The following FBXL13 variants were observed in gnomAD, a reference collection of about 807,000 sequenced individuals.
FBXL13 encodes the protein F-box and leucine rich repeat protein 13.
FBXL13 carries 67 observed loss-of-function variants against 83.6 expected under a neutral mutation model. The observed-to-expected ratio is 0.80, with a 90% confidence interval of 0.66 to 0.98. FBXL13 has a LOEUF of 0.98. Among genes scored for constraint, FBXL13 ranks in the 50% least tolerant of loss-of-function variants. The pLI, the probability that FBXL13 is intolerant of heterozygous loss-of-function variation, is 0.00. For missense variants in FBXL13, 822 were observed against 866.5 expected, an observed-to-expected ratio of 0.95 and a Z score of 0.64; for synonymous variants, 272 against 299.5, an observed-to-expected ratio of 0.91 and a Z score of 0.95.
intron 6 of FBXL13, among the ~76,000 whole-genome samples, chr7:103,000,612 G>A (rs1392678135): frequency 6.6e-6 from 1 of 152,098 alleles, no homozygotes; most frequent in Non-Finnish European, 1.5e-5. Flanking sequence ...ATTGGTCTAG[G>A]GCATAATATC....
chr7:102,944,317 T>C (rs1822049408), intron 8 of FBXL13: 1 of 1,614,012 alleles, frequency 6.2e-7, no homozygotes, highest in African/African-American at 1.3e-5. Flanking sequence ...GAAACTCTTG[T>C]GGCTCAGAGA....
chr7:102,987,930 C>T (rs1364379704), intron 6 of FBXL13: 1 of 152,138 alleles, frequency 6.6e-6, no homozygotes, highest in Non-Finnish European at 1.5e-5. Flanking sequence ...TGTTAAATGA[C>T]CTGGGTCTTA....
At chr7:102,968,144 T>G in intron 6 of FBXL13, 27 bp from the exon 8 acceptor site, 1 of 1,510,694 alleles carries the variant, frequency 6.6e-7, no homozygotes, top group Non-Finnish European at 9.2e-7. Flanking sequence ...ATACACAACT[T>G]TGAAAAATGT....
At chr7:103,013,560 G>C (rs1010691489) in intron 6 of FBXL13, among the ~76,000 whole-genome samples, 3 of 152,098 alleles carry the variant, frequency 2.0e-5, no homozygotes, top group African/African-American at 7.2e-5. Context: ...AATTAAGGCA[G>C]AAATCAAGAA....
At chr7:103,021,336 G>A (rs1202236828) in intron 6 of FBXL13, among the ~76,000 whole-genome samples, 1 of 152,118 alleles carries the variant, frequency 6.6e-6, no homozygotes, top group Non-Finnish European at 1.5e-5. Flanking sequence ...ATTAATTCAA[G>A]ATGAATTAAA....
At chr7:102,912,680 C>G (rs116275663) in intron 11 of FBXL13, among the ~76,000 whole-genome samples, 2 of 138,148 alleles carry the variant, frequency 1.4e-5, no homozygotes, top group Admixed American at 7.2e-5. Context: ...TACCCCCCCC[C>G]CCCCAAAAAA....
At chr7:102,892,765 C>T (rs913783225) in intron 11 of FBXL13, among the ~76,000 whole-genome samples, 1 of 152,216 alleles carries the variant, frequency 6.6e-6, no homozygotes, top group African/African-American at 2.4e-5. Flanking sequence ...AAATGTGTCA[C>T]TTCCTCATTT....
rs779845216 is a variant in FBXL13 at position 102,963,530 on chromosome 7, T to C, written c.724+3A>G. 2 of 1,611,032 alleles carry C rather than the reference T, an allele frequency of 1.2e-6. No homozygotes were observed. The highest frequency in any genetic ancestry group is 2.7e-5 in the African/African-American group (2 of 74,770). ...GACAAATAGTTGTAATGAACATACT[T>C]ACTGACAGATCTGAAAGTTTTGGGT... On this transcript the variant is annotated splice_donor_region_variant and intron_variant, in intron 8 of 19. Coordinates refer to ENST00000313221, the Ensembl canonical transcript of FBXL13.
chr7:103,055,947 C>T (rs1797291112), intron 1 of FBXL13, among the ~76,000 whole-genome samples, 200 bp from the exon 2 acceptor site: 2 of 152,084 alleles, frequency 1.3e-5, no homozygotes, highest in South Asian at 4.1e-4. Flanking sequence ...TTGGTGCACC[C>T]ATCACCTGAG....
At chr7:102,993,896 C>T (rs1226934223) in intron 6 of FBXL13, among the ~76,000 whole-genome samples, 2 of 152,134 alleles carry the variant, frequency 1.3e-5, no homozygotes, top group East Asian at 3.8e-4. Context: ...ATTATTCCTT[C>T]AAAACATTAA....
chr7:102,857,864 T>C (rs1385707651), intron 16 of FBXL13: 2 of 152,172 alleles, frequency 1.3e-5, no homozygotes, highest in African/African-American at 4.8e-5. Context: ...GGTGAAAATA[T>C]AAATTAATAC....
intron 3 of FBXL13, among the ~76,000 whole-genome samples, chr7:103,028,969 G>T (rs1043995777): frequency 6.6e-6 from 1 of 151,906 alleles, no homozygotes; most frequent in Non-Finnish European, 1.5e-5. Flanking sequence ...ATAAAATAAA[G>T]AAATCATGGG....
At chr7:102,833,505 TC>T (rs1266646096) in intron 17 of FBXL13, among the ~76,000 whole-genome samples, 2 of 150,596 alleles carry the variant, frequency 1.3e-5, no homozygotes, top group Non-Finnish European at 3.0e-5. Context: ...CAATCTGAGC[TC>T]ACTGCAACCT....
intron 17 of FBXL13, among the ~76,000 whole-genome samples, chr7:102,842,158 C>G (rs1562978473): frequency 6.6e-6 from 1 of 152,182 alleles, no homozygotes; most frequent in African/African-American, 2.4e-5. Flanking sequence ...TTCCACCTCC[C>G]CATACAAGAG....
chr7:102,855,870 T>C (rs1012603538), intron 16 of FBXL13, among the ~76,000 whole-genome samples: 2 of 151,864 alleles, frequency 1.3e-5, no homozygotes, highest in African/African-American at 4.8e-5. Flanking sequence ...TTTGCTTTAA[T>C]TCCCAATGCA....
At chr7:102,825,422 G>T (rs537616340) in intron 18 of FBXL13, among the ~76,000 whole-genome samples, 1 of 152,292 alleles carries the variant, frequency 6.6e-6, no homozygotes, top group South Asian at 2.1e-4. Context: ...TTGGAATTCT[G>T]CAGAGAGTCC....
At chr7:102,911,449 TAA>T (rs964036316) in intron 11 of FBXL13, among the ~76,000 whole-genome samples, 4 of 152,148 alleles carry the variant, frequency 2.6e-5, no homozygotes, top group Non-Finnish European at 4.4e-5. Flanking sequence ...TCAAGCACAT[TAA>T]GTTGTTCCTG....
chr7:103,039,401 T>C lies in FBXL13; in HGVS notation c.1-9983A>G, dbSNP rs192697300. ...AATGCAATCAAGTTAGAAAACACTCTTCAGGATATTATCCAGGAAAACTTC... is the reference window on the plus strand; with the variant it reads ...AATGCAATCAAGTTAGAAAACACTCCTCAGGATATTATCCAGGAAAACTTC... On this transcript the variant is annotated intron_variant, in intron 2 of 19. Transcript: ENST00000313221. 4.2e-3 allele frequency among the ~76,000 whole-genome samples: 638 copies of C among 152,284 alleles called. 3 individuals carry two copies. Among genetic ancestry groups the C allele is most frequent in the African/African-American group, 0.015 (610 of 41,566 alleles).
chr7:102,953,117 C>CA (rs375176706), intron 8 of FBXL13, among the ~76,000 whole-genome samples: 3 of 151,956 alleles, frequency 2.0e-5, no homozygotes, highest in South Asian at 2.1e-4. Context: ...AAATTCTTCC[C>CA]AAAAAATAGA....
Sources: allele counts gnomAD v4.1 joint callset (sites outside exome capture counted in the v4.1 genomes callset), GRCh38; gene constraint gnomAD v4.1.1; transcripts MANE v1.5; gene names NCBI Gene and HGNC (gene_info 2026-07-23, HGNC 2026-07-21).